FOXP2: variants seen among roughly 807,000 people sequenced by gnomAD.
FOXP2 encodes forkhead box protein P2.
FOXP2 carries 12 observed loss-of-function variants against 115.8 expected under a neutral mutation model. The ratio of observed to expected loss-of-function variants is 0.10; its 90% CI spans 0.07 to 0.17. FOXP2 has a LOEUF of 0.17. Among genes scored for constraint, FOXP2 ranks in the 10% least tolerant of loss-of-function variants. The probability of loss-of-function intolerance (pLI) is 1.00; values close to 1 mark genes in which losing one functional copy is unlikely to be tolerated. For synonymous variants in FOXP2, 328 were observed against 297.7 expected, an observed-to-expected ratio of 1.10 and a Z score of -1.05; for missense variants, 629 against 843.5, an observed-to-expected ratio of 0.75 and a Z score of 3.15.
chr7:114,215,751 G>T (rs1370149210), intron 1 of FOXP2, among the ~76,000 whole-genome samples: 1 of 151,810 alleles, frequency 6.6e-6, no homozygotes, highest in Admixed American at 6.6e-5. Flanking sequence ...AATACGAATA[G>T]ACGGTCTTAC....
intron 16 of FOXP2, among the ~76,000 whole-genome samples, chr7:114,675,964 C>T (rs1156714596): frequency 1.3e-5 from 2 of 150,996 alleles, no homozygotes; most frequent in African/African-American, 2.4e-5. Context: ...GGCTGGAGTG[C>T]GGTGGTGCAG....
At chr7:114,203,754 T>G (rs754706618) in intron 1 of FOXP2, among the ~76,000 whole-genome samples, 5 of 152,192 alleles carry the variant, frequency 3.3e-5, no homozygotes, top group Non-Finnish European at 5.9e-5. Flanking sequence ...CTCGACTGCC[T>G]GTTTTTTGCC....
At chr7:114,390,522 G>T (rs62469230) in intron 2 of FOXP2, among the ~76,000 whole-genome samples, 501 of 148,364 alleles carry the variant, frequency 3.4e-3, no homozygotes, top group African/African-American at 0.012. Flanking sequence ...TTTTATTTAT[G>T]TATTTATTTA....
At chr7:114,298,681 G>C (rs1178683950) in intron 2 of FOXP2, among the ~76,000 whole-genome samples, 2 of 152,136 alleles carry the variant, frequency 1.3e-5, no homozygotes, top group African/African-American at 4.8e-5. Flanking sequence ...AGGCAGTTTA[G>C]CTTCAAATCT....
At chr7:114,551,774 T>C (rs766960092) in intron 3 of FOXP2, among the ~76,000 whole-genome samples, 1 of 151,448 alleles carries the variant, frequency 6.6e-6, no homozygotes, top group Non-Finnish European at 1.5e-5. Flanking sequence ...GAGTGGCAGG[T>C]ATTTATTTTT....
Position 114,444,166 on chromosome 7 carries a change from G to GTT in FOXP2, c.168+17488_168+17489insTT, listed in dbSNP as rs947023777. Among the ~76,000 whole-genome samples, 8 of 152,242 alleles carry GTT rather than the reference G, an allele frequency of 5.3e-5. No homozygotes were observed. The South Asian group carries it at 1.2e-3, about 24-fold the overall frequency. ...GTGTCACTATAAATGCAAGTGATTA[G>GTT]TGATCACTGTATGTATAATAGATGC... On this transcript the variant is annotated intron_variant, in intron 2 of 16. Coordinates refer to ENST00000350908, the MANE Select transcript of FOXP2 (RefSeq NM_014491.4).
At position 114,616,896 on chromosome 7, in the gene FOXP2, G is replaced by A. The variant is rs565639611; in HGVS notation, c.259-11644G>A. ...TCAAGACTAGCCTGGGCAACATAGT[G>A]AGGCCCTCCCATCTCTAAAAATAAA... On this transcript the variant is annotated intron_variant, in intron 3 of 16. Coordinates refer to ENST00000350908, the MANE Select transcript of FOXP2 (RefSeq NM_014491.4). Among the ~76,000 whole-genome samples, 23 of 152,142 alleles carry A rather than the reference G, an allele frequency of 1.5e-4. No individual in the cohort carries two copies. In the South Asian group the frequency reaches 4.8e-3, roughly 32 times the overall value.
intron 1 of FOXP2, among the ~76,000 whole-genome samples, chr7:114,280,204 G>A (rs561801943): frequency 5.3e-5 from 8 of 151,984 alleles, no homozygotes; most frequent in South Asian, 2.1e-4. Context: ...ACATGCCCCC[G>A]TAGAATGAAT....
chr7:114,331,469 C>T (rs2129182981), intron 2 of FOXP2, among the ~76,000 whole-genome samples: 1 of 152,130 alleles, frequency 6.6e-6, no homozygotes, highest in African/African-American at 2.4e-5. Flanking sequence ...TAAGATGAAG[C>T]TTAATGTATA....
intron 1 of FOXP2, among the ~76,000 whole-genome samples, chr7:114,216,833 A>G (rs942558518): frequency 8.5e-5 from 13 of 152,212 alleles, no homozygotes; most frequent in African/African-American, 3.1e-4. Context: ...AACTACATGA[A>G]GCAAATGGAT....
chr7:114,171,649 T>C (rs1029575473), intron 1 of FOXP2, among the ~76,000 whole-genome samples: 1 of 152,184 alleles, frequency 6.6e-6, no homozygotes, highest in Non-Finnish European at 1.5e-5. Context: ...ATGTTGTCTT[T>C]ATGCCTGTTA....
intron 2 of FOXP2, among the ~76,000 whole-genome samples, chr7:114,508,521 A>G (rs1797928794): frequency 6.6e-6 from 1 of 152,002 alleles, no homozygotes; most frequent in Non-Finnish European, 1.5e-5. Context: ...GCCTGTACAG[A>G]AGGAGAGCCC....
intron 1 of FOXP2, among the ~76,000 whole-genome samples, chr7:114,205,769 G>A (rs1794184764): frequency 6.6e-6 from 1 of 152,136 alleles, no homozygotes; most frequent in Non-Finnish European, 1.5e-5. Flanking sequence ...GGCTCTTCAA[G>A]TTCTCCCTTA....
At chr7:114,176,298 T>TTCTTTCTTTCTTTCTTTCTTTCTTTCTC (rs368923204) in intron 1 of FOXP2, among the ~76,000 whole-genome samples, 2 of 76,514 alleles carry the variant, frequency 2.6e-5, no homozygotes, top group African/African-American at 1.1e-4. Flanking sequence ...CTTTCTTTCT[T>TTCTTTCTTTCTTTCTTTCTTTCTTTCTC]TCTCTCTCTC....
intron 2 of FOXP2, chr7:114,463,001 T>G (rs1442744680): frequency 2.5e-6 from 1 of 395,560 alleles, no homozygotes; most frequent in Admixed American, 2.9e-5. Context: ...CAAGATGCAG[T>G]ATATGCATTG....
intron 2 of FOXP2, among the ~76,000 whole-genome samples, chr7:114,394,173 A>G (rs1792681863): frequency 6.6e-6 from 1 of 152,120 alleles, no homozygotes; most frequent in Non-Finnish European, 1.5e-5. Flanking sequence ...GGACAGGGAA[A>G]GTATAAAATA....
intron 1 of FOXP2, among the ~76,000 whole-genome samples, chr7:114,122,653 G>T (rs1029665387): frequency 2.0e-5 from 3 of 151,730 alleles, no homozygotes; most frequent in Admixed American, 1.3e-4. Flanking sequence ...GAAAGAGAAG[G>T]TTCAAAGGCA....
At chr7:114,419,330 T>A (rs1793493610) in intron 1 of FOXP2, among the ~76,000 whole-genome samples, 1 of 151,924 alleles carries the variant, frequency 6.6e-6, no homozygotes, top group African/African-American at 2.4e-5. Context: ...CAAGTTTAGG[T>A]TTGAAATTTG....
chr7:114,227,500 A>T (rs1451681668), intron 1 of FOXP2, among the ~76,000 whole-genome samples: 2 of 151,998 alleles, frequency 1.3e-5, no homozygotes, highest in East Asian at 3.9e-4. Flanking sequence ...TTGCAGTTGT[A>T]ATTCAGCACA....
Sources: gnomAD v4.1 joint callset for allele counts (sites outside exome capture counted in the v4.1 genomes callset) on GRCh38, gnomAD v4.1.1 for gene constraint, MANE v1.5 for transcripts, NCBI Gene and HGNC (gene_info 2026-07-23, HGNC 2026-07-21) for gene names.